The following RAET1G variants were observed in gnomAD, a reference collection of about 807,000 sequenced individuals.
RAET1G encodes retinoic acid early transcript 1G, also known as UL-16 binding protein 5.
Under a neutral mutation model 29.5 loss-of-function variants are expected in RAET1G, and 25 were observed. The ratio of observed to expected loss-of-function variants is 0.85; its 90% CI spans 0.62 to 1.18. The LOEUF is 1.18. Among genes scored for constraint, RAET1G ranks in the 50% most tolerant of loss-of-function variants. The pLI is 0.00. For missense variants in RAET1G, 434 were observed against 423.6 expected (o/e 1.02, Z -0.22); for synonymous variants, 167 against 159.5 (o/e 1.05, Z -0.36).
In RAET1G at chr6:149,917,812, C is replaced by T. The variant is rs112145467; in HGVS notation, c.842+362G>A. 6.4e-3 allele frequency among the ~76,000 whole-genome samples: 973 copies of T among 152,250 alleles called. 6 individuals carry two copies. The highest frequency in any genetic ancestry group is 0.01 in the Non-Finnish European group (704 of 68,020). ...GTAAAGCTACCCTGATGCACCTAAC[C>T]CAATTAAGAGGACTGCCCATGTCTG... On this transcript the variant is annotated intron_variant, in intron 4 of 4. Transcript: ENST00000367360.
chr6:149,919,733 C>T lies in RAET1G; in HGVS notation c.169G>A (p.Asp57Asn). The change falls in exon 2 of 5, where the codon GAT becomes AAT. Residue 57 changes from aspartate (D) to asparagine (N), a missense_variant. Coordinates refer to ENST00000367360, the MANE Select transcript of RAET1G (RefSeq NM_001001788.4). ...PRWCAVQGQVDEKTFLHYDCG... is the reference protein window; with the variant it reads ...PRWCAVQGQVNEKTFLHYDCG... ...TCATAGTGAAGAAAAGTCTTTTCAT[C>T]CACCTGGCCTTGAACCGCACACCAC... 5.6e-6 allele frequency: 9 copies of T among 1,613,432 alleles called. No homozygotes were observed. Among genetic ancestry groups the T allele is most frequent in the Non-Finnish European group, 6.8e-6 (8 of 1,179,866 alleles).
chr6:149,919,911 G>A, intron 1 of RAET1G, 95 bp from the exon 2 acceptor site: 1 of 1,607,998 alleles, frequency 6.2e-7, no homozygotes, highest in Non-Finnish European at 8.5e-7. Flanking sequence ...CCTCTGGAGG[G>A]CTGGGCTGGC....
intron 1 of RAET1G, 99 bp downstream of exon 1, chr6:149,922,827 G>C: frequency 1.3e-6 from 1 of 793,772 alleles, no homozygotes; most frequent in African/African-American, 1.8e-5. Context: ...CGGGGTGATC[G>C]CACGGGTCCT....
Position 149,918,228 on chromosome 6 carries a change from T to A in RAET1G, c.788A>T (p.His263Leu), listed in dbSNP as rs769907372. The A allele has an allele frequency of 6.2e-7, 1 of 1,613,812 alleles. No homozygotes were observed. Among genetic ancestry groups the A allele is most frequent in the East Asian group, 2.2e-5 (1 of 44,848 alleles). Residue 263 changes from histidine (H) to leucine (L), a missense_variant, in exon 4 of 5, where the codon CAT becomes CTT. Coordinates refer to ENST00000367360, the MANE Select transcript of RAET1G (RefSeq NM_001001788.4). ...HHPQSLQPPP[H>L]PPLLHPTWLL... Reference sequence around the variant, plus strand: ...CCAGGTAGGATGAAGCAGGGGAGGATGAGGAGGAGGCTGCAGGGACTGAGG... The same window carrying A: ...CCAGGTAGGATGAAGCAGGGGAGGAAGAGGAGGAGGCTGCAGGGACTGAGG...
rs760500265 is a variant in RAET1G at position 149,919,155 on chromosome 6, C to T, written c.519G>A (p.Glu173=). The change falls in exon 3 of 5, where the codon GAG becomes GAA. Residue 173 remains glutamate, a synonymous_variant. Coordinates refer to ENST00000367360, the MANE Select transcript of RAET1G (RefSeq NM_001001788.4). ...PGARKMKEKW[E]NDKDMTMSFH... ...AGGACATGGTCATATCCTTGTCATT[C>T]TCCCACTTTTCTTTCATCTTTCTGG... The T allele has an allele frequency of 6.2e-7, 1 of 1,614,228 alleles. No individual in the cohort carries two copies. Among genetic ancestry groups the T allele is most frequent in the Non-Finnish European group, 8.5e-7 (1 of 1,180,042 alleles).
chr6:149,922,885 G>C (rs1018064837), intron 1 of RAET1G, 41 bp downstream of exon 1: 5 of 1,451,836 alleles, frequency 3.4e-6, no homozygotes, highest in Non-Finnish European at 4.7e-6. Context: ...AGCCCCCCAC[G>C]GTTGGCCTCC....
In RAET1G at chr6:149,916,925, A is replaced by G. The variant is rs1778452998; in HGVS notation, c.992T>C (p.Val331Ala). The G allele has an allele frequency of 1.3e-6, 2 of 1,536,906 alleles. No individual in the cohort carries two copies. Among genetic ancestry groups the G allele is most frequent in the African/African-American group, 1.4e-5 (1 of 72,490 alleles). ...GAARYSEPLQ[V>A]SIS ...CCCAGGGAACCATCAAGATATGGAG[A>G]CCTGTAGTGGCTCCGAATACCTGGC... Residue 331 changes from valine to alanine, a missense_variant, in exon 5 of 5, where the codon GTC (valine) becomes GCC (alanine). By Grantham distance (64) the Val-to-Ala change is moderately conservative. Coordinates refer to ENST00000367360, the MANE Select transcript of RAET1G (RefSeq NM_001001788.4).
rs528581789 is a variant in RAET1G, at chr6:149,917,485, G to A, written c.843-411C>T. Among the ~76,000 whole-genome samples, 9 of 152,300 alleles carry A rather than the reference G, an allele frequency of 5.9e-5. No homozygotes were observed. In the East Asian group the frequency reaches 7.7e-4, roughly 13 times the overall value. The stretch of plus-strand genomic sequence containing the variant: ...TCTTGTCTTCTGGTCACTTCTCACC[G>A]TGTCCCTTCAGCTCCTGTCTCTGCA... On this transcript the variant is annotated intron_variant, in intron 4 of 4. Coordinates refer to ENST00000367360, the MANE Select transcript of RAET1G (RefSeq NM_001001788.4).
chr6:149,919,441 C>T (rs1331484420), intron 2 of RAET1G, 112 bp downstream of exon 2: 28 of 1,607,908 alleles, frequency 1.7e-5, no homozygotes, highest in South Asian at 3.3e-5. Flanking sequence ...TGCCTCTAGA[C>T]GTCTTGCGGG....
At chr6:149,917,096 C>T (rs778882836) in intron 4 of RAET1G, 22 bp from the exon 5 acceptor site, 18 of 1,521,590 alleles carry the variant, frequency 1.2e-5, no homozygotes, top group East Asian at 2.5e-5. Context: ...AGAGAGAGGA[C>T]AGCTTACGTC....
chr6:149,916,989 G>T lies in RAET1G; in HGVS notation c.928C>A (p.Pro310Thr). 1 of 1,550,784 alleles carries T rather than the reference G, an allele frequency of 6.4e-7. No individual in the cohort carries two copies. The highest frequency in any genetic ancestry group is 8.7e-7 in the Non-Finnish European group (1 of 1,146,470). Residue 310 changes from proline (P) to threonine (T), a missense_variant, in exon 5 of 5, where the codon CCC becomes ACC. Pro to Thr is a conservative substitution (Grantham distance 38). Transcript: ENST00000367360. ...ATTGTATACAAGGCAAGAGGGCAGG[G>T]TAAGGAGTGTGAGTCGTCTCCAATG... ...PIIGDDSHSL[P>T]CPLALYTINN...
Position 149,918,401 on chromosome 6 carries a change from A to C in RAET1G, c.632-17T>G. ...TGGGTGGTGCTGAAATGGAAGCACA[A>C]GAGTGACAACCCTTGTCCAGGCCCC... On this transcript the variant is annotated splice_polypyrimidine_tract_variant and intron_variant, in intron 3 of 4. Transcript: ENST00000367360. The C allele has an allele frequency of 3.1e-6, 5 of 1,612,850 alleles. No homozygotes were observed. The highest frequency in any genetic ancestry group is 4.2e-6 in the Non-Finnish European group (5 of 1,178,888).
At chr6:149,921,483 A>G (rs1445806986) in intron 1 of RAET1G, among the ~76,000 whole-genome samples, 1 of 152,198 alleles carries the variant, frequency 6.6e-6, no homozygotes, top group Admixed American at 6.5e-5. Flanking sequence ...CCTCTAGGTC[A>G]TTAGGAAGAG....
Position 149,919,318 on chromosome 6 carries a change from A to G in RAET1G, c.356T>C (p.Leu119Pro), listed in dbSNP as rs1251843761. Residue 119 changes from leucine to proline, a missense_variant, in exon 3 of 5, where the codon CTC becomes CCC. Coordinates refer to ENST00000367360, the MANE Select transcript of RAET1G (RefSeq NM_001001788.4). ...QLENYIPKEP[L>P]TLQARMSCEQ... ...ACAAGACATCCTGGCCTGCAGGGTGAGGGGTTCTGCCCCCATCAAAGAGAG... is the reference window on the plus strand; with the variant it reads ...ACAAGACATCCTGGCCTGCAGGGTGGGGGGTTCTGCCCCCATCAAAGAGAG... 1 of 1,613,606 alleles carries G rather than the reference A, an allele frequency of 6.2e-7. No individual in the cohort carries two copies. The highest frequency in any genetic ancestry group is 2.2e-5 in the East Asian group (1 of 44,864).
chr6:149,920,441 C>T (rs527704115), intron 1 of RAET1G, among the ~76,000 whole-genome samples: 6 of 152,192 alleles, frequency 3.9e-5, no homozygotes, highest in Non-Finnish European at 8.8e-5. Context: ...GAGAAGTGCC[C>T]AGGCTGGAGG....
intron 3 of RAET1G, 117 bp from the exon 4 acceptor site, chr6:149,918,501 T>C (rs1231842115): frequency 1.6e-5 from 19 of 1,191,048 alleles, no homozygotes; most frequent in Non-Finnish European, 2.3e-5. Context: ...TCCCCTCTGC[T>C]ATGGGGCAGC....
chr6:149,921,292 T>G (rs910327285), intron 1 of RAET1G, among the ~76,000 whole-genome samples: 7 of 152,272 alleles, frequency 4.6e-5, no homozygotes, highest in Admixed American at 6.5e-5. Flanking sequence ...AATTGGAGAA[T>G]CACAACATAG....
intron 3 of RAET1G, 147 bp from the exon 4 acceptor site, chr6:149,918,531 G>T: frequency 2.1e-6 from 2 of 968,548 alleles, no homozygotes; most frequent in Non-Finnish European, 3.2e-6. Flanking sequence ...AGTTCCTGGG[G>T]TAGGAAGGGA....
chr6:149,922,365 A>C (rs1389189826), intron 1 of RAET1G, among the ~76,000 whole-genome samples: 1 of 152,014 alleles, frequency 6.6e-6, no homozygotes, highest in Non-Finnish European at 1.5e-5. Context: ...GGGTGGTGGC[A>C]GTGGATGGTG....
Sources: allele counts gnomAD v4.1 joint callset (sites outside exome capture counted in the v4.1 genomes callset), GRCh38; gene constraint gnomAD v4.1.1; transcripts MANE v1.5; gene names NCBI Gene and HGNC (gene_info 2026-07-23, HGNC 2026-07-21).